The following SLIT3 variants were observed in gnomAD, a reference collection of about 807,000 sequenced individuals.
SLIT3 encodes the protein slit guidance ligand 3.
Under a neutral mutation model 184.0 loss-of-function variants are expected in SLIT3, and 68 were observed. The observed-to-expected ratio is 0.37, with a 90% CI of 0.30 to 0.45. The LOEUF (loss-of-function observed/expected upper bound fraction) is 0.45, where lower values mean the gene tolerates loss of function less well. SLIT3 is among the 20% of genes least tolerant of loss of function. SLIT3 has a pLI of 1.00. For synonymous variants in SLIT3, 831 were observed against 828.6 expected, an observed-to-expected ratio of 1.00 and a Z score of -0.05; for missense variants, 1,707 against 2,026.0, an observed-to-expected ratio of 0.84 and a Z score of 3.02.
chr5:169,191,067 G>A (rs149736446), intron 4 of SLIT3, among the ~76,000 whole-genome samples: 84 of 152,262 alleles, frequency 5.5e-4, no homozygotes, highest in South Asian at 2.7e-3. Context: ...AGAGAACTGG[G>A]CATCCTTCAT....
At chr5:168,673,108 G>A in intron 33 of SLIT3, 69 bp downstream of exon 33, 1 of 1,503,398 alleles carries the variant, frequency 6.7e-7, no homozygotes, top group Admixed American at 1.8e-5. Context: ...TTTGGCAGTG[G>A]CCTGGGTTTC....
intron 25 of SLIT3, among the ~76,000 whole-genome samples, chr5:168,709,715 A>C (rs1762489528): frequency 6.9e-6 from 1 of 145,946 alleles, no homozygotes; most frequent in South Asian, 2.1e-4. Context: ...CAAAATAAGT[A>C]TTAAGCCTCT....
intron 16 of SLIT3, among the ~76,000 whole-genome samples, chr5:168,757,682 G>T (rs943644906): frequency 8.5e-5 from 13 of 152,248 alleles, no homozygotes; most frequent in African/African-American, 3.1e-4. Flanking sequence ...TGATCCGCCT[G>T]GCTCAGCCTC....
At chr5:169,049,261 C>T (rs1399420050) in intron 4 of SLIT3, among the ~76,000 whole-genome samples, 1 of 152,010 alleles carries the variant, frequency 6.6e-6, no homozygotes, top group Non-Finnish European at 1.5e-5. Flanking sequence ...CTGTATGCTA[C>T]ATCTAATGTG....
At chr5:169,222,044 A>G (rs928402280) in intron 3 of SLIT3, among the ~76,000 whole-genome samples, 1 of 152,210 alleles carries the variant, frequency 6.6e-6, no homozygotes, top group Non-Finnish European at 1.5e-5. Context: ...CAAATACTCA[A>G]AAGCCCTTGG....
intron 4 of SLIT3, among the ~76,000 whole-genome samples, chr5:169,166,596 G>A (rs1268953958): frequency 6.6e-6 from 1 of 152,100 alleles, no homozygotes; most frequent in African/African-American, 2.4e-5. Flanking sequence ...GTGGGAGCTC[G>A]ACAGGTGCTC....
At chr5:168,673,905 A>G (rs1561867811) in intron 32 of SLIT3, among the ~76,000 whole-genome samples, 2 of 151,916 alleles carry the variant, frequency 1.3e-5, no homozygotes, top group African/African-American at 4.8e-5. Context: ...CACCTTCTCA[A>G]TCCTGCTCTA....
chr5:169,045,027 G>A (rs562945458), intron 4 of SLIT3, among the ~76,000 whole-genome samples: 1 of 152,188 alleles, frequency 6.6e-6, no homozygotes, highest in Admixed American at 6.5e-5. Flanking sequence ...AGGTTTCTGC[G>A]AGATGAAGCA....
intron 4 of SLIT3, among the ~76,000 whole-genome samples, chr5:169,105,320 C>T (rs1246750074): frequency 6.6e-6 from 1 of 152,214 alleles, no homozygotes; most frequent in Non-Finnish European, 1.5e-5. Context: ...GATTCTAATG[C>T]ACATATATGT....
At chr5:169,132,064 C>T (rs958879504) in intron 4 of SLIT3, among the ~76,000 whole-genome samples, 7 of 152,186 alleles carry the variant, frequency 4.6e-5, no homozygotes, top group Non-Finnish European at 8.8e-5. Flanking sequence ...CCTCAGGACT[C>T]AGAGTCCTGT....
At chr5:168,710,410 T>C (rs1342828005) in intron 25 of SLIT3, among the ~76,000 whole-genome samples, 4 of 152,180 alleles carry the variant, frequency 2.6e-5, no homozygotes, top group Admixed American at 6.5e-5. Context: ...AAAAGTTTGC[T>C]GGATAAAATG....
At chr5:169,256,155 T>A (rs1204131373) in intron 1 of SLIT3, among the ~76,000 whole-genome samples, 2 of 152,138 alleles carry the variant, frequency 1.3e-5, no homozygotes, top group Non-Finnish European at 2.9e-5. Context: ...CTTTTCTATG[T>A]CTGATATTTA....
At chr5:169,145,823 A>G (rs1464302105) in intron 4 of SLIT3, among the ~76,000 whole-genome samples, 2 of 152,200 alleles carry the variant, frequency 1.3e-5, no homozygotes, top group Non-Finnish European at 2.9e-5. Context: ...CAAGGCGGAC[A>G]GATTGCCTGA....
chr5:168,905,876 AAAG>A (rs1181845791), intron 4 of SLIT3, among the ~76,000 whole-genome samples: 3 of 151,828 alleles, frequency 2.0e-5, no homozygotes, highest in African/African-American at 7.2e-5. Context: ...TTGACTTTGG[AAAG>A]AAGAAGGTGG....
At chr5:168,722,385 T>C in intron 22 of SLIT3, 58 bp from the exon 23 acceptor site, 2 of 1,436,812 alleles carry the variant, frequency 1.4e-6, no homozygotes, top group Middle Eastern at 3.5e-4. Flanking sequence ...CATGCATAGG[T>C]GCACTGTTCA....
chr5:168,916,082 T>C (rs1437324013), intron 4 of SLIT3, among the ~76,000 whole-genome samples: 1 of 152,232 alleles, frequency 6.6e-6, no homozygotes, highest in Non-Finnish European at 1.5e-5. Context: ...AAGAATAAAG[T>C]ATAACAATGT....
Position 168,722,311 on chromosome 5 carries a change from G to T in SLIT3, c.2428C>A (p.Arg810=), listed in dbSNP as rs754146629. ...HLSTLILSYN[R]LRCIPVHAFN... is the part of the protein sequence containing the mutation. Reference sequence around the variant, plus strand: ...GCGTGGACGGGGATGCACCTCAGCCGGTTGTAGCTCAGGATCCTGTGGAAA... The same window carrying T: ...GCGTGGACGGGGATGCACCTCAGCCTGTTGTAGCTCAGGATCCTGTGGAAA... Residue 810 remains arginine (R), a synonymous_variant, in exon 23 of 36, where the codon CGG becomes AGG. Coordinates refer to ENST00000519560, the MANE Select transcript of SLIT3 (RefSeq NM_003062.4). 2 of 1,614,018 alleles carry T rather than the reference G, an allele frequency of 1.2e-6. No homozygotes were observed. Among genetic ancestry groups the T allele is most frequent in the Non-Finnish European group, 1.7e-6 (2 of 1,180,024 alleles).
rs571059893 is a variant in SLIT3 at position 168,808,164 on chromosome 5, T to C, written c.794-1577A>G. ...ACACAAGTGGATCTAATGGAGACCA[T>C]GGAAAATGCCCGAAAGATGATGACT... On this transcript the variant is annotated intron_variant, in intron 8 of 35. Transcript: ENST00000519560. Among the ~76,000 whole-genome samples, 5 of 150,554 alleles carry C rather than the reference T, an allele frequency of 3.3e-5. No individual in the cohort carries two copies. The South Asian group carries it at 8.4e-4, about 25-fold the overall frequency.
At chr5:168,694,027 G>A (rs564697401) in intron 28 of SLIT3, among the ~76,000 whole-genome samples, 10 of 152,122 alleles carry the variant, frequency 6.6e-5, no homozygotes, top group Non-Finnish European at 1.3e-4. Flanking sequence ...AATTCTAGTT[G>A]ACACTTCCTA....
Sources: gnomAD v4.1 joint callset for allele counts (sites outside exome capture counted in the v4.1 genomes callset) on GRCh38, gnomAD v4.1.1 for gene constraint, MANE v1.5 for transcripts, NCBI Gene and HGNC (gene_info 2026-07-23, HGNC 2026-07-21) for gene names.